Variants in MRC2 observed in about 807,000 individuals in gnomAD.
MRC2 encodes the protein mannose receptor C-type 2.
In MRC2, 84 loss-of-function variants were observed where a neutral mutation model predicts 206.2. The ratio of observed to expected loss-of-function variants is 0.41; its 90% CI spans 0.34 to 0.49. The LOEUF (loss-of-function observed/expected upper bound fraction) is 0.49, where lower values mean the gene tolerates loss of function less well. Ranked by LOEUF, MRC2 falls within the 20% of genes least tolerant of loss-of-function variation. MRC2 has a pLI of 0.31. For missense variants in MRC2, 1,676 were observed against 2,001.5 expected, an observed-to-expected ratio of 0.84 and a Z score of 3.10; for synonymous variants, 798 against 800.0, an observed-to-expected ratio of 1.00 and a Z score of 0.04.
In MRC2 at chr17:62,664,402, G is replaced by A; in HGVS notation, c.119-146G>A. On this transcript the variant is annotated intron_variant, in intron 1 of 29. Transcript: ENST00000303375. The surrounding 1 kb of genome is among the most constrained non-coding windows in gnomAD (Gnocchi z 4.7). Reference sequence around the variant, plus strand: ...CACTCATTTCCACCTCAGAGGGTTGGTAGTGAGTACCGAGTGATTTAACGT... The same window carrying A: ...CACTCATTTCCACCTCAGAGGGTTGATAGTGAGTACCGAGTGATTTAACGT... 1 of 921,778 alleles carries A rather than the reference G, an allele frequency of 1.1e-6. No individual in the cohort carries two copies. The highest frequency in any genetic ancestry group is 1.6e-6 in the Non-Finnish European group (1 of 606,178). The allele number at this position is 921,778 out of a possible 1,614,324, so 57.1% of individuals were successfully genotyped here.
rs367702989 is a variant in MRC2, at chr17:62,689,657, A to G, written c.3470A>G (p.Asn1157Ser). 9.4e-6 allele frequency: 15 copies of G among 1,594,618 alleles called. No homozygotes were observed. In the Admixed American group the frequency reaches 1.6e-4, roughly 17 times the overall value. Residue 1157 changes from asparagine (N) to serine (S), a missense_variant, in exon 24 of 30, where the codon AAT becomes AGT. Physicochemically the swap from Asn to Ser is conservative, Grantham distance 46 (BLOSUM62 1). Coordinates refer to ENST00000303375, the MANE Select transcript of MRC2 (RefSeq NM_006039.5). ...GCCCTCCTGCTGTGTGAGAGCCGCAATGCCAGCCTGGCCTACGTGCCCGAC... is the reference window on the plus strand; with the variant it reads ...GCCCTCCTGCTGTGTGAGAGCCGCAGTGCCAGCCTGGCCTACGTGCCCGAC... ...HDALLLCESRNASLAYVPDPY... is the reference protein window; with the variant it reads ...HDALLLCESRSASLAYVPDPY...
rs1416416812 is a variant in MRC2 at position 62,671,592 on chromosome 17, T to A, written c.1118-57T>A. 39 of 1,483,788 alleles carry A rather than the reference T, an allele frequency of 2.6e-5. No homozygotes were observed. The East Asian group carries it at 6.9e-4, about 26-fold the overall frequency. The allele number at this position is 1,483,788 out of a possible 1,614,324, so 91.9% of individuals were successfully genotyped here. On this transcript the variant is annotated intron_variant, in intron 6 of 29. Transcript: ENST00000303375. This position sits in a 1 kb window ranked among gnomAD's most constrained non-coding sequence, Gnocchi z 4.5. ...CCTGTGTTGACGTCAACCCAGTGGG[T>A]TGGTTCCCAGACTGGGCGGCTCAGT...
At chr17:62,676,559 T>C in intron 11 of MRC2, 28 bp downstream of exon 11, 2 of 1,557,474 alleles carry the variant, frequency 1.3e-6, no homozygotes, top group Non-Finnish European at 1.7e-6. Flanking sequence ...CTTGCCTTGG[T>C]GAAGCGAGGA....
rs1451361129 is a variant in MRC2, at chr17:62,691,137, CG to C, written c.4192+12del. On this transcript the variant is annotated intron_variant, in intron 28 of 29. Coordinates refer to ENST00000303375, the MANE Select transcript of MRC2 (RefSeq NM_006039.5). ...CTGCAAGCTTCCTCGTGGTGAGCGC[CG>C]GGCAGGCCCACGCTCAGCCTCCTTC... The C allele has an allele frequency of 3.8e-6, 6 of 1,593,248 alleles. No homozygotes were observed. Among genetic ancestry groups the C allele is most frequent in the African/African-American group, 1.4e-5 (1 of 74,054 alleles).
intron 19 of MRC2, 131 bp downstream of exon 19, chr17:62,682,068 G>A (rs76535792): frequency 5.5e-6 from 6 of 1,100,472 alleles, no homozygotes; most frequent in East Asian, 5.2e-5. Flanking sequence ...TAGACTCAGC[G>A]AGGGGTGGAC....
At chr17:62,670,954 A>G (rs1352722062) in intron 6 of MRC2, among the ~76,000 whole-genome samples, 2 of 152,172 alleles carry the variant, frequency 1.3e-5, no homozygotes, top group East Asian at 3.9e-4. Context: ...GATTCCATTT[A>G]CTAGGCAGGG....
intron 10 of MRC2, 149 bp downstream of exon 10, chr17:62,676,054 T>A (rs1598990083): frequency 1.4e-6 from 1 of 692,270 alleles, no homozygotes; most frequent in East Asian, 2.7e-5. Context: ...TTTAAAATCT[T>A]GTCAGAAGAA....
At chr17:62,683,750 G>C (rs2088999598) in intron 20 of MRC2, among the ~76,000 whole-genome samples, 1 of 151,660 alleles carries the variant, frequency 6.6e-6, no homozygotes, top group South Asian at 2.1e-4. Context: ...TGTAGTTCCA[G>C]CTACCCAGGA....
intron 10 of MRC2, among the ~76,000 whole-genome samples, chr17:62,676,106 C>G (rs141920210): frequency 6.6e-6 from 1 of 152,116 alleles, no homozygotes; most frequent in Admixed American, 6.5e-5. Flanking sequence ...GGGCAGGGCC[C>G]GGGCAGGCAC....
At chr17:62,673,543 C>G (rs2088853034) in intron 8 of MRC2, among the ~76,000 whole-genome samples, 1 of 145,150 alleles carries the variant, frequency 6.9e-6, no homozygotes, top group African/African-American at 2.6e-5. Flanking sequence ...GAGTTTCACC[C>G]TGTCGCCCAG....
In MRC2 at chr17:62,692,214, C is replaced by A. The variant is rs780180689; in HGVS notation, c.4220-17C>A. The stretch of plus-strand genomic sequence containing the variant: ...CCTAACGCCCACTTGGCCTTTCACG[C>A]CCACTCGCCTTGGCAGCGCTTCCAG... On this transcript the variant is annotated splice_polypyrimidine_tract_variant and intron_variant, in intron 29 of 29. Coordinates refer to ENST00000303375, the MANE Select transcript of MRC2 (RefSeq NM_006039.5). The surrounding 1 kb of genome is among the most constrained non-coding windows in gnomAD (Gnocchi z 4.2). 6 of 1,613,060 alleles carry A rather than the reference C, an allele frequency of 3.7e-6. No individual in the cohort carries two copies. The South Asian group carries it at 6.6e-5, about 18-fold the overall frequency.
intron 1 of MRC2, among the ~76,000 whole-genome samples, chr17:62,661,105 A>C (rs1359508915): frequency 6.6e-6 from 1 of 152,176 alleles, no homozygotes; most frequent in African/African-American, 2.4e-5. Context: ...CAGAGATAGG[A>C]AACAGCCAGG....
rs2147482318 is a variant in MRC2 at position 62,680,665 on chromosome 17, C to T, written c.2474-135C>T. ...CTGGGGCCTGGGGCCTGGCACGGTGCCTGCCTGGGTCCGGTGTGCCTGCAG... is the reference window on the plus strand; with the variant it reads ...CTGGGGCCTGGGGCCTGGCACGGTGTCTGCCTGGGTCCGGTGTGCCTGCAG... On this transcript the variant is annotated intron_variant, in intron 16 of 29. Transcript: ENST00000303375. The surrounding 1 kb of genome is among the most constrained non-coding windows in gnomAD (Gnocchi z 4.8). The T allele has an allele frequency of 7.7e-6, 10 of 1,296,104 alleles. No individual in the cohort carries two copies. In the South Asian group the frequency reaches 1.4e-4, roughly 18 times the overall value. The allele number at this position is 1,296,104 out of a possible 1,614,324, so 80.3% of individuals were successfully genotyped here.
rs551980519 is a variant in MRC2 at position 62,667,931 on chromosome 17, A to G, written c.1117+398A>G. 1.3e-5 allele frequency among the ~76,000 whole-genome samples: 2 copies of G among 152,344 alleles called. No homozygotes were observed. The highest frequency in any genetic ancestry group is 3.9e-4 in the East Asian group (2 of 5,192). The stretch of plus-strand genomic sequence containing the variant: ...TTAAGGAGGGGTTTATGGAAATAAC[A>G]TTTGATTTGGGCCTTTCAAATTGAG... On this transcript the variant is annotated intron_variant, in intron 6 of 29. Transcript: ENST00000303375. This position sits in a 1 kb window ranked among gnomAD's most constrained non-coding sequence, Gnocchi z 4.1.
chr17:62,681,374 C>T (rs896864885), intron 18 of MRC2: 2 of 574,406 alleles, frequency 3.5e-6, no homozygotes, highest in South Asian at 2.2e-5. Context: ...GCATCCAGCA[C>T]ATTAGTTACT....
Position 62,667,364 on chromosome 17 carries a change from G to A in MRC2, c.974-26G>A, listed in dbSNP as rs552115545. The A allele has an allele frequency of 2.5e-6, 4 of 1,573,854 alleles. No individual in the cohort carries two copies. Among genetic ancestry groups the A allele is most frequent in the Admixed American group, 1.9e-5 (1 of 52,218 alleles). On this transcript the variant is annotated intron_variant, in intron 5 of 29. Coordinates refer to ENST00000303375, the MANE Select transcript of MRC2 (RefSeq NM_006039.5). The surrounding 1 kb of genome is among the most constrained non-coding windows in gnomAD (Gnocchi z 4.1). ...ACGGTGTGAGCTTCTCTCTCCGGGGGTGCTGGCGCCCTGCCCTCCCCACAG... is the reference window on the plus strand; with the variant it reads ...ACGGTGTGAGCTTCTCTCTCCGGGGATGCTGGCGCCCTGCCCTCCCCACAG...
In MRC2 at chr17:62,676,399, G is replaced by T. The variant is rs138970713; in HGVS notation, c.1702G>T (p.Val568Phe). 1 of 1,613,936 alleles carries T rather than the reference G, an allele frequency of 6.2e-7. No individual in the cohort carries two copies. The highest frequency in any genetic ancestry group is 1.7e-5 in the Admixed American group (1 of 60,000). ...CTCCTGAAGGTTCGAGCAGGCCTTC[G>T]TCAGCAGCCTCATCTACAACTGGGA... ...TITNRFEQAF[V>F]SSLIYNWEGE... The change falls in exon 11 of 30, where the codon GTC (valine) becomes TTC (phenylalanine). Residue 568 changes from valine to phenylalanine, a missense_variant. Coordinates refer to ENST00000303375, the MANE Select transcript of MRC2 (RefSeq NM_006039.5).
chr17:62,638,791 G>A (rs972599688), intron 1 of MRC2, among the ~76,000 whole-genome samples: 3 of 150,432 alleles, frequency 2.0e-5, no homozygotes, highest in East Asian at 2.0e-4. Context: ...GGTGGTGGGC[G>A]CCTGTAATCC....
chr17:62,679,899 A>G lies in MRC2; in HGVS notation c.2295A>G (p.Val765=). Residue 765 remains valine, a synonymous_variant, in exon 14 of 30, where the codon GTA becomes GTG. Transcript: ENST00000303375. ...GGQSWRWSDG[V]GFSYHNFDRS... is the part of the protein sequence containing the mutation. ...AGAGTTGGCGCTGGAGCGACGGCGT[A>G]GGGGTGAGGGGGCCTGGGGTACTTG... 6.6e-7 allele frequency: 1 copy of G among 1,526,680 alleles called. No homozygotes were observed. The highest frequency in any genetic ancestry group is 8.8e-7 in the Non-Finnish European group (1 of 1,130,780). The allele number at this position is 1,526,680 out of a possible 1,614,324, so 94.6% of individuals were successfully genotyped here. A position where few individuals can be genotyped will look rare whatever the true frequency, so the allele number is the denominator to read the frequency against.
Sources: gnomAD v4.1 joint callset for allele counts (sites outside exome capture counted in the v4.1 genomes callset) on GRCh38, gnomAD v4.1.1 for gene constraint, Gnocchi (gnomAD v3.1) non-coding constraint, MANE v1.5 for transcripts, NCBI Gene and HGNC (gene_info 2026-07-23, HGNC 2026-07-21) for gene names.